FTCDNL1: variants seen among roughly 807,000 people sequenced by gnomAD.
FTCDNL1 encodes the protein formiminotransferase cyclodeaminase N-terminal like.
In FTCDNL1, 11 loss-of-function variants were observed where a neutral mutation model predicts 5.9. The ratio of observed to expected loss-of-function variants is 1.87; its 90% confidence interval spans 1.18 to 3.10. The LOEUF is 3.10. Among genes scored for constraint, FTCDNL1 ranks in the 30% most tolerant of loss-of-function variants. FTCDNL1 has a pLI of 0.00. For missense variants in FTCDNL1, 115 were observed against 65.5 expected (o/e 1.76, Z -2.61); for synonymous variants, 58 against 24.8 (o/e 2.34, Z -3.99).
chr2:199,706,977 T>C, the FTCDNL1 span, among the ~76,000 whole-genome samples: 6 of 152,240 alleles, frequency 3.9e-5, no homozygotes, highest in African/African-American at 1.2e-4. Flanking sequence ...TATCTGCTCC[T>C]GGTCAGCTTA....
chr2:199,795,374 G>A (rs927311627), intron 3 of FTCDNL1, among the ~76,000 whole-genome samples: 5 of 152,168 alleles, frequency 3.3e-5, no homozygotes, highest in South Asian at 2.1e-4. Flanking sequence ...ATACAAACAC[G>A]TGGTTCTTTC....
intron 3 of FTCDNL1, among the ~76,000 whole-genome samples, chr2:199,838,460 C>T (rs1702910340): frequency 6.6e-6 from 1 of 152,076 alleles, no homozygotes; most frequent in Non-Finnish European, 1.5e-5. Flanking sequence ...AAATTTTTTT[C>T]CCAAGCATTA....
At chr2:199,676,643 A>G in the FTCDNL1 span, among the ~76,000 whole-genome samples, 18 of 152,238 alleles carry the variant, frequency 1.2e-4, no homozygotes, top group African/African-American at 4.1e-4. Flanking sequence ...CAAAGTTCAA[A>G]TATTTTCTTC....
chr2:199,739,564 GA>G, the FTCDNL1 span, among the ~76,000 whole-genome samples: 8 of 152,112 alleles, frequency 5.3e-5, no homozygotes, highest in Non-Finnish European at 5.9e-5. Context: ...CTCCATACAG[GA>G]GTTTGGCTAA....
At position 199,812,036 on chromosome 2, in the gene FTCDNL1, G is replaced by C. The variant is rs1220518532; in HGVS notation, c.*669C>G. ...TCATATGCTTTTAAATAAAATAAGAGGTAATCACTTAACACAGAATAATCA... is the reference window on the plus strand; with the variant it reads ...TCATATGCTTTTAAATAAAATAAGACGTAATCACTTAACACAGAATAATCA... On this transcript the variant is annotated 3_prime_UTR_variant, in exon 5 of 5. Coordinates refer to ENST00000420128, the MANE Select transcript of FTCDNL1 (RefSeq NM_001363886.2). Among the ~76,000 whole-genome samples the C allele has an allele frequency of 6.6e-6, 1 of 152,076 alleles. No homozygotes were observed. The highest frequency in any genetic ancestry group is 1.5e-5 in the Non-Finnish European group (1 of 68,014).
the FTCDNL1 span, among the ~76,000 whole-genome samples, chr2:199,711,764 C>T: frequency 1.1e-4 from 16 of 152,196 alleles, no homozygotes; most frequent in Non-Finnish European, 1.8e-4. Flanking sequence ...ATGGAGCTGT[C>T]ACCACACCTG....
At chr2:199,836,222 G>C (rs756465394) in intron 3 of FTCDNL1, among the ~76,000 whole-genome samples, 2 of 151,986 alleles carry the variant, frequency 1.3e-5, no homozygotes, top group Non-Finnish European at 2.9e-5. Flanking sequence ...TGGAGTACAA[G>C]TAGCACATCA....
the FTCDNL1 span, among the ~76,000 whole-genome samples, chr2:199,751,269 T>A: frequency 1.3e-5 from 2 of 152,210 alleles, no homozygotes. Context: ...ATGAGAGACC[T>A]TGTATGGATA....
At chr2:199,844,365 C>G (rs1257257668) in intron 3 of FTCDNL1, 1 of 520,802 alleles carries the variant, frequency 1.9e-6, no homozygotes, top group Admixed American at 3.2e-5. Context: ...CACATAACCC[C>G]AAACTTTCTC....
the FTCDNL1 span, among the ~76,000 whole-genome samples, chr2:199,719,736 G>A: frequency 6.6e-6 from 1 of 152,054 alleles, no homozygotes; most frequent in African/African-American, 2.4e-5. Context: ...CTGGGCTCAA[G>A]CGATTCTCCC....
At chr2:199,782,614 C>T (rs1699423906) in intron 3 of FTCDNL1, among the ~76,000 whole-genome samples, 1 of 152,164 alleles carries the variant, frequency 6.6e-6, no homozygotes, top group Non-Finnish European at 1.5e-5. Flanking sequence ...GAGATGCTCA[C>T]CCAGTGGGTT....
the FTCDNL1 span, among the ~76,000 whole-genome samples, chr2:199,681,906 A>AGTGTGT: frequency 2.0e-5 from 3 of 149,570 alleles, no homozygotes; most frequent in African/African-American, 7.3e-5. Flanking sequence ...TGCTCCAAGG[A>AGTGTGT]GTGTGTGTGT....
chr2:199,676,125 A>G, the FTCDNL1 span, among the ~76,000 whole-genome samples: 2 of 152,164 alleles, frequency 1.3e-5, no homozygotes, highest in East Asian at 3.8e-4. Flanking sequence ...ACTCAGTCAC[A>G]TATAGCACCC....
chr2:199,731,704 C>T, the FTCDNL1 span, among the ~76,000 whole-genome samples: 15 of 152,136 alleles, frequency 9.9e-5, no homozygotes, highest in African/African-American at 3.4e-4. Context: ...CCAGCTAAAA[C>T]GGTGAAACCC....
the FTCDNL1 span, among the ~76,000 whole-genome samples, chr2:199,734,471 T>C: frequency 0.027 from 4,162 of 152,308 alleles, 187 homozygotes; most frequent in African/African-American, 0.095. Context: ...GGCAGGATAT[T>C]TGGAGATTAT....
At chr2:199,849,675 GC>G (rs2106635059) in intron 1 of FTCDNL1, among the ~76,000 whole-genome samples, 1 of 152,240 alleles carries the variant, frequency 6.6e-6, no homozygotes, top group East Asian at 1.9e-4. Context: ...TTTGGAGGTT[GC>G]TTTGATACTT....
At chr2:199,828,417 C>T (rs1702165106) in intron 3 of FTCDNL1, among the ~76,000 whole-genome samples, 1 of 152,166 alleles carries the variant, frequency 6.6e-6, no homozygotes, top group African/African-American at 2.4e-5. Context: ...AAGTAAGTGG[C>T]ATTATCATTT....
chr2:199,724,231 T>C, the FTCDNL1 span, among the ~76,000 whole-genome samples: 1 of 152,176 alleles, frequency 6.6e-6, no homozygotes, highest in African/African-American at 2.4e-5. Flanking sequence ...AGTGGTGATA[T>C]CCCCTTTATC....
the FTCDNL1 span, among the ~76,000 whole-genome samples, chr2:199,676,268 C>A: frequency 6.6e-6 from 1 of 152,106 alleles, no homozygotes; most frequent in Non-Finnish European, 1.5e-5. Flanking sequence ...GTTTGCCAGA[C>A]CTTGCTGGTC....
Sources: allele counts gnomAD v4.1 joint callset (sites outside exome capture counted in the v4.1 genomes callset), GRCh38; gene constraint gnomAD v4.1.1; transcripts MANE v1.5; gene names NCBI Gene and HGNC (gene_info 2026-07-23, HGNC 2026-07-21).